The following AGPAT3 variants were observed in gnomAD, a reference collection of about 807,000 sequenced individuals.
AGPAT3 encodes the protein 1-acylglycerol-3-phosphate O-acyltransferase 3, also known as 1-acyl-sn-glycerol-3-phosphate acyltransferase gamma.
In AGPAT3, 5 loss-of-function variants were observed where a neutral mutation model predicts 47.3. The observed-to-expected ratio is 0.11, with a 90% CI of 0.06 to 0.22. The LOEUF is 0.22. Ranked by LOEUF, AGPAT3 falls within the 10% of genes least tolerant of loss-of-function variation. AGPAT3 has a pLI of 1.00. For synonymous variants in AGPAT3, 212 were observed against 208.3 expected (o/e 1.02, Z -0.15); for missense variants, 315 against 493.0 (o/e 0.64, Z 3.42).
intron 1 of AGPAT3, chr21:43,867,374 A>C (rs551766923): frequency 5.1e-4 from 77 of 152,386 alleles, no homozygotes; most frequent in African/African-American, 1.8e-3. Flanking sequence ...GAATTCTCCT[A>C]AACAGGGAAG....
intron 2 of AGPAT3, among the ~76,000 whole-genome samples, chr21:43,944,792 G>A (rs2146409408): frequency 6.6e-6 from 1 of 152,360 alleles, no homozygotes. Flanking sequence ...AATACACCGT[G>A]CCAGGAAATG....
intron 1 of AGPAT3, among the ~76,000 whole-genome samples, chr21:43,867,907 G>A (rs1271442519): frequency 6.6e-6 from 1 of 152,140 alleles, no homozygotes; most frequent in Non-Finnish European, 1.5e-5. Context: ...TAAACGGGTC[G>A]TTTCAAGTGG....
In AGPAT3 at chr21:43,930,915, A is replaced by G. The variant is rs2087220795; in HGVS notation, c.-49+26896A>G. On this transcript the variant is annotated intron_variant, in intron 2 of 9. Coordinates refer to ENST00000291572, the MANE Select transcript of AGPAT3 (RefSeq NM_020132.5). This position sits in a 1 kb window ranked among gnomAD's most constrained non-coding sequence, Gnocchi z 5.0. Reference sequence around the variant, plus strand: ...TCCTTCCTGCATGTTCCTGTTCCGCATTACAGATTGTTTTTATGGCCCCCA... The same window carrying G: ...TCCTTCCTGCATGTTCCTGTTCCGCGTTACAGATTGTTTTTATGGCCCCCA... Among the ~76,000 whole-genome samples, 1 of 152,080 alleles carries G rather than the reference A, an allele frequency of 6.6e-6. No homozygotes were observed. Among genetic ancestry groups the G allele is most frequent in the Non-Finnish European group, 1.5e-5 (1 of 68,010 alleles).
At chr21:43,943,919 C>T (rs1257628434) in intron 2 of AGPAT3, among the ~76,000 whole-genome samples, 1 of 152,230 alleles carries the variant, frequency 6.6e-6, no homozygotes, top group Non-Finnish European at 1.5e-5. Context: ...TTTCCCGCCG[C>T]ATCTTTCACC....
intron 2 of AGPAT3, among the ~76,000 whole-genome samples, chr21:43,918,147 TGTG>T (rs1297658016): frequency 6.8e-6 from 1 of 146,810 alleles, no homozygotes; most frequent in African/African-American, 2.6e-5. Context: ...GTGTTGGAGT[TGTG>T]GGTGTTGTGG....
chr21:43,899,322 A>G (rs1345427112), intron 1 of AGPAT3, among the ~76,000 whole-genome samples: 1 of 152,188 alleles, frequency 6.6e-6, no homozygotes, highest in Non-Finnish European at 1.5e-5. Context: ...CATCCTTGTC[A>G]GGCCATCTCT....
chr21:43,907,929 C>T (rs2086541873), intron 2 of AGPAT3, among the ~76,000 whole-genome samples: 1 of 152,224 alleles, frequency 6.6e-6, no homozygotes, highest in South Asian at 2.1e-4. Flanking sequence ...CGCGCCCTCT[C>T]CGTCGCACGG....
chr21:43,941,185 C>G (rs1006292100), intron 2 of AGPAT3, among the ~76,000 whole-genome samples: 2 of 152,122 alleles, frequency 1.3e-5, no homozygotes, highest in East Asian at 3.9e-4. Context: ...AGGAAGAGAC[C>G]ACAGCTCCCC....
intron 2 of AGPAT3, among the ~76,000 whole-genome samples, chr21:43,907,671 C>T (rs370193597): frequency 2.4e-4 from 36 of 152,156 alleles, no homozygotes; most frequent in East Asian, 9.6e-4. Context: ...GAGCCGAGAT[C>T]GCGCCACTGC....
chr21:43,936,368 C>T (rs1327997036), intron 2 of AGPAT3, among the ~76,000 whole-genome samples: 2 of 152,264 alleles, frequency 1.3e-5, no homozygotes, highest in Non-Finnish European at 2.9e-5. Flanking sequence ...TGTGGGTGCA[C>T]CTGCAGCGTT....
chr21:43,878,724 A>G (rs1275310859), intron 1 of AGPAT3, among the ~76,000 whole-genome samples: 2 of 146,456 alleles, frequency 1.4e-5, no homozygotes, highest in Non-Finnish European at 3.0e-5. Flanking sequence ...ATAGTTTTTT[A>G]TTTCCATTTG....
Position 43,934,027 on chromosome 21 carries a change from C to A in AGPAT3, c.-48-25607C>A, listed in dbSNP as rs1034921461. Reference sequence around the variant, plus strand: ...TCCTTTCTCAGTCATGGCCAGCTGCCGAATGCCGTACCAGGGCAGGGGCAG... The same window carrying A: ...TCCTTTCTCAGTCATGGCCAGCTGCAGAATGCCGTACCAGGGCAGGGGCAG... On this transcript the variant is annotated intron_variant, in intron 2 of 9. Coordinates refer to ENST00000291572, the MANE Select transcript of AGPAT3 (RefSeq NM_020132.5). The surrounding 1 kb of genome is among the most constrained non-coding windows in gnomAD (Gnocchi z 4.7). 1.3e-5 allele frequency among the ~76,000 whole-genome samples: 2 copies of A among 152,234 alleles called. No individual in the cohort carries two copies. The highest frequency in any genetic ancestry group is 3.8e-4 in the East Asian group (2 of 5,198).
At chr21:43,916,309 C>T (rs1243087063) in intron 2 of AGPAT3, 2 of 152,132 alleles carry the variant, frequency 1.3e-5, no homozygotes, top group African/African-American at 2.4e-5. Flanking sequence ...TTCTTGCCCG[C>T]GTGTTCTGTC....
rs144748856 is a variant in AGPAT3, at chr21:43,978,325, C to T, written c.843+204C>T. Among the ~76,000 whole-genome samples the T allele has an allele frequency of 7.1e-3, 1,072 of 151,990 alleles. 13 individuals carry two copies. The highest frequency in any genetic ancestry group is 0.034 in the Middle Eastern group (10 of 294). The stretch of plus-strand genomic sequence containing the variant: ...TTTTGTTTTGTTTTGTTTTCTGAGA[C>T]AGGGTCTCACTTTGTCACCCAGGCT... On this transcript the variant is annotated intron_variant, in intron 8 of 9. Transcript: ENST00000291572.
chr21:43,897,291 C>G (rs1258614418), intron 1 of AGPAT3, among the ~76,000 whole-genome samples: 3 of 152,126 alleles, frequency 2.0e-5, no homozygotes, highest in Non-Finnish European at 4.4e-5. Flanking sequence ...TATAGATTAA[C>G]AGCATCCCAA....
rs1005503277 is a variant in AGPAT3, at chr21:43,923,528, G to T, written c.-49+19509G>T. On this transcript the variant is annotated intron_variant, in intron 2 of 9. Coordinates refer to ENST00000291572, the MANE Select transcript of AGPAT3 (RefSeq NM_020132.5). ...ACGCGTCAGATCCCCCAGGGCCAGGGCCCAGTCCCACAAGACTGCCCCACT... is the reference window on the plus strand; with the variant it reads ...ACGCGTCAGATCCCCCAGGGCCAGGTCCCAGTCCCACAAGACTGCCCCACT... Among the ~76,000 whole-genome samples, 6 of 152,180 alleles carry T rather than the reference G, an allele frequency of 3.9e-5. No individual in the cohort carries two copies. In the East Asian group the frequency reaches 9.6e-4, roughly 24 times the overall value.
chr21:43,978,287 G>GT (rs1555913679), intron 8 of AGPAT3, among the ~76,000 whole-genome samples, 166 bp downstream of exon 8: 1 of 152,090 alleles, frequency 6.6e-6, no homozygotes, highest in Non-Finnish European at 1.5e-5. Context: ...CTGTTGTTTT[G>GT]TTTTGTTTTT....
chr21:43,932,869 C>T lies in AGPAT3; in HGVS notation c.-48-26765C>T, dbSNP rs368787250. ...TTCACCATGTTGGCCAGACTGGTCT[C>T]GAACTCCTGACCTCAAGTGATCCAC... On this transcript the variant is annotated intron_variant, in intron 2 of 9. Coordinates refer to ENST00000291572, the MANE Select transcript of AGPAT3 (RefSeq NM_020132.5). The surrounding 1 kb of genome is among the most constrained non-coding windows in gnomAD (Gnocchi z 5.2). Among the ~76,000 whole-genome samples, 12 of 152,264 alleles carry T rather than the reference C, an allele frequency of 7.9e-5. No individual in the cohort carries two copies. The East Asian group carries it at 2.3e-3, about 29-fold the overall frequency.
chr21:43,898,426 T>C (rs571583823), intron 1 of AGPAT3, among the ~76,000 whole-genome samples: 1 of 152,358 alleles, frequency 6.6e-6, no homozygotes, highest in South Asian at 2.1e-4. Flanking sequence ...ATTAAACGAA[T>C]CTACAATTAA....
Sources: gnomAD v4.1 joint callset for allele counts (sites outside exome capture counted in the v4.1 genomes callset) on GRCh38, gnomAD v4.1.1 for gene constraint, Gnocchi (gnomAD v3.1) non-coding constraint, MANE v1.5 for transcripts, NCBI Gene and HGNC (gene_info 2026-07-23, HGNC 2026-07-21) for gene names.